Variants in GPR89B observed in about 807,000 individuals in gnomAD.
GPR89B encodes G protein-coupled receptor 89B.
A neutral mutation model predicts 52.4 loss-of-function variants in GPR89B; 25 were observed. The ratio of observed to expected loss-of-function variants is 0.48; its 90% confidence interval spans 0.35 to 0.67. The LOEUF (loss-of-function observed/expected upper bound fraction) is 0.67, where lower values mean the gene tolerates loss of function less well. Among genes scored for constraint, GPR89B ranks in the 30% least tolerant of loss-of-function variants. The pLI, the probability that GPR89B is intolerant of heterozygous loss-of-function variation, is 0.01. For synonymous variants in GPR89B, 52 were observed against 151.2 expected (o/e 0.34, Z 4.81); for missense variants, 146 against 450.2 (o/e 0.32, Z 6.11).
At chr1:147,948,103 T>C (rs1403389535) in intron 5 of GPR89B, among the ~76,000 whole-genome samples, 23 of 151,682 alleles carry the variant, frequency 1.5e-4, no homozygotes, top group Non-Finnish European at 3.2e-4. Context: ...GTGATCATTG[T>C]CATCAAGGAG....
intron 13 of GPR89B, 67 bp from the exon 14 acceptor site, chr1:147,992,644 T>G: frequency 1.3e-6 from 2 of 1,587,494 alleles, no homozygotes; most frequent in Non-Finnish European, 1.7e-6. Flanking sequence ...AGAATTTTAA[T>G]AATTTCCTTT....
chr1:147,948,540 G>A (rs1490131984), intron 5 of GPR89B, among the ~76,000 whole-genome samples: 1 of 151,568 alleles, frequency 6.6e-6, no homozygotes, highest in Non-Finnish European at 1.5e-5. Context: ...TCATAGAGAT[G>A]ACTCCAGGAA....
the GPR89B span, among the ~76,000 whole-genome samples, chr1:148,004,886 AACACACACACACAC>A: frequency 2.4e-3 from 265 of 111,960 alleles, 1 homozygote; most frequent in African/African-American, 7.3e-3. Flanking sequence ...ATCTCTACAA[AACACACACACACAC>A]ACACACACAC....
At chr1:147,949,047 G>A (rs201319206) in intron 5 of GPR89B, among the ~76,000 whole-genome samples, 6,825 of 152,104 alleles carry the variant, frequency 0.045, 206 homozygotes, top group African/African-American at 0.075. Context: ...AGTGGACACA[G>A]CACATGTTTC....
chr1:148,014,161 C>T, the GPR89B span, among the ~76,000 whole-genome samples: 3 of 151,366 alleles, frequency 2.0e-5, no homozygotes, highest in African/African-American at 7.3e-5. Context: ...TGGGTGGACG[C>T]TGCCTGCCCG....
the GPR89B span, among the ~76,000 whole-genome samples, chr1:148,012,833 T>C: frequency 2.0e-5 from 3 of 151,910 alleles, no homozygotes; most frequent in African/African-American, 7.3e-5. Context: ...CATTGATAGG[T>C]TGGCCACAGA....
At chr1:147,970,569 CTA>C (rs1295887286) in intron 10 of GPR89B, among the ~76,000 whole-genome samples, 6 of 142,568 alleles carry the variant, frequency 4.2e-5, no homozygotes, top group African/African-American at 1.6e-4. Flanking sequence ...CTCTCTCTCT[CTA>C]TATATATATA....
intron 5 of GPR89B, among the ~76,000 whole-genome samples, chr1:147,948,533 T>C (rs1199830565): frequency 1.3e-5 from 2 of 151,502 alleles, no homozygotes; most frequent in Non-Finnish European, 2.9e-5. Flanking sequence ...TCAGTCCTCA[T>C]AGAGATGACT....
At chr1:148,022,448 AATAG>A in the GPR89B span, among the ~76,000 whole-genome samples, 1 of 151,938 alleles carries the variant, frequency 6.6e-6, no homozygotes, top group Admixed American at 6.5e-5. Flanking sequence ...CAATTTCGTT[AATAG>A]ATAGAGACCT....
At chr1:147,931,338 G>A (rs587646761) in intron 1 of GPR89B, among the ~76,000 whole-genome samples, 61 of 151,638 alleles carry the variant, frequency 4.0e-4, no homozygotes, top group African/African-American at 1.3e-3. Flanking sequence ...CCTCTATACC[G>A]TCATAAGACT....
intron 5 of GPR89B, among the ~76,000 whole-genome samples, chr1:147,947,729 A>G (rs1457957189): frequency 2.6e-5 from 4 of 151,856 alleles, no homozygotes; most frequent in Admixed American, 2.0e-4. Flanking sequence ...AAATTTAATA[A>G]CCCATATTAA....
intron 10 of GPR89B, among the ~76,000 whole-genome samples, chr1:147,983,683 G>A (rs1658438668): frequency 6.6e-6 from 1 of 151,804 alleles, no homozygotes; most frequent in Non-Finnish European, 1.5e-5. Flanking sequence ...AACAACAGGT[G>A]CTGGAGAGGA....
At chr1:147,997,126 C>T (rs1432776855), downstream of GPR89B, among the ~76,000 whole-genome samples, 24 of 152,294 alleles carry the variant, frequency 1.6e-4, no homozygotes, top group East Asian at 5.8e-4. Flanking sequence ...ACTGACTAGC[C>T]GGTACCTCAT....
chr1:148,006,570 TTACA>T, the GPR89B span, among the ~76,000 whole-genome samples: 627 of 152,242 alleles, frequency 4.1e-3, 3 homozygotes, highest in Non-Finnish European at 6.7e-3. Flanking sequence ...TTTCCTGTGC[TTACA>T]TACCTACGAT....
At chr1:147,935,719 T>C (rs1473992688) in intron 1 of GPR89B, among the ~76,000 whole-genome samples, 1 of 152,170 alleles carries the variant, frequency 6.6e-6, no homozygotes. Context: ...CTGAAGTTTT[T>C]ATTTTTTAAA....
the GPR89B span, chr1:148,012,133 CTA>C: frequency 1.3e-5 from 2 of 152,100 alleles, no homozygotes; most frequent in Non-Finnish European, 2.9e-5. Context: ...GATGGCCATA[CTA>C]TGTTGGAACC....
At chr1:148,010,331 A>G in the GPR89B span, 1 of 152,284 alleles carries the variant, frequency 6.6e-6, no homozygotes, top group African/African-American at 2.4e-5. Context: ...GAGACTCAAA[A>G]GACGCATCTG....
rs1656216176 is a variant in GPR89B at position 147,957,691 on chromosome 1, C to T, written c.617+3289C>T. Among the ~76,000 whole-genome samples, 3 of 151,550 alleles carry T rather than the reference C, an allele frequency of 2.0e-5. 1 individual carries two copies. Among genetic ancestry groups the T allele is most frequent in the Admixed American group, 1.3e-4 (2 of 15,222 alleles). On this transcript the variant is annotated intron_variant, in intron 7 of 13. Transcript: ENST00000314163. ...GTTTTGAATTGCATGAGTATTTTCA[C>T]ATTTCATATTTCCTTCTTCAACACT...
intron 7 of GPR89B, among the ~76,000 whole-genome samples, chr1:147,958,971 T>C (rs1396902306): frequency 6.6e-6 from 1 of 152,194 alleles, no homozygotes; most frequent in Admixed American, 6.5e-5. Flanking sequence ...TACCACAATA[T>C]AGAAAAACTG....
Sources: allele counts gnomAD v4.1 joint callset (sites outside exome capture counted in the v4.1 genomes callset), GRCh38; gene constraint gnomAD v4.1.1; transcripts MANE v1.5; gene names NCBI Gene and HGNC (gene_info 2026-07-23, HGNC 2026-07-21).